Variants in CCDC158 observed in about 807,000 individuals in gnomAD.
CCDC158 encodes coiled-coil domain-containing protein 158.
A neutral mutation model predicts 138.6 loss-of-function variants in CCDC158; 116 were observed. That is an observed-to-expected ratio of 0.84 (90% CI 0.72 to 0.98). CCDC158 has a LOEUF of 0.98. CCDC158 is among the 50% of genes least tolerant of loss of function. The pLI, the probability that CCDC158 is intolerant of heterozygous loss-of-function variation, is 0.00. For synonymous variants in CCDC158, 436 were observed against 442.4 expected (o/e 0.99, Z 0.18); for missense variants, 1,265 against 1,306.1 (o/e 0.97, Z 0.48).
chr4:76,358,445 G>A (rs1723794131), intron 13 of CCDC158, among the ~76,000 whole-genome samples: 1 of 151,964 alleles, frequency 6.6e-6, no homozygotes, highest in Non-Finnish European at 1.5e-5. Context: ...TCTAAAATCT[G>A]ACAAAAAATC....
At chr4:76,338,379 G>A (rs552187438) in intron 18 of CCDC158, among the ~76,000 whole-genome samples, 10 of 152,260 alleles carry the variant, frequency 6.6e-5, no homozygotes, top group Admixed American at 5.2e-4. Context: ...GCATGGTAGC[G>A]TGTATGCCTG....
intron 16 of CCDC158, 39 bp downstream of exon 16, chr4:76,353,080 CTATT>C (rs1723202693): frequency 1.3e-6 from 2 of 1,495,740 alleles, no homozygotes; most frequent in Admixed American, 1.8e-5. Flanking sequence ...TGGTTAATAA[CTATT>C]TAGTTGATAA....
At position 76,384,175 on chromosome 4, in the gene CCDC158, C is replaced by G; in HGVS notation, c.639G>C (p.Leu213=). 1 of 1,614,078 alleles carries G rather than the reference C, an allele frequency of 6.2e-7. No homozygotes were observed. The highest frequency in any genetic ancestry group is 8.5e-7 in the Non-Finnish European group (1 of 1,179,970). ...TAGCTGAGCCCAAGCTGCGGAAGTG[C>G]AGAGTAGACATGCTGTCATGTTCAC... is the stretch of plus-strand genomic sequence containing the variant. The part of the protein sequence containing the change: ...KICEHDSMST[L]HFRSLGSAIS... Residue 213 remains leucine (L), a synonymous_variant, in exon 6 of 25, where the codon CTG becomes CTC. Transcript: ENST00000682701.
chr4:76,317,429 A>G (rs992843184), intron 24 of CCDC158, among the ~76,000 whole-genome samples: 1 of 152,194 alleles, frequency 6.6e-6, no homozygotes, highest in African/African-American at 2.4e-5. Flanking sequence ...ACAGTAAAAT[A>G]TCACAATCCT....
Position 76,325,847 on chromosome 4 carries a change from T to C in CCDC158, c.3169+10A>G, listed in dbSNP as rs1272891831. 6.2e-7 allele frequency: 1 copy of C among 1,601,800 alleles called. No individual in the cohort carries two copies. Among genetic ancestry groups the C allele is most frequent in the Admixed American group, 1.7e-5 (1 of 57,248 alleles). On this transcript the variant is annotated intron_variant, in intron 23 of 24. Coordinates refer to ENST00000682701, the MANE Select transcript of CCDC158 (RefSeq NM_001394954.1). ...AATTAATCACGTCAATGATATCAGA[T>C]CTTTCTTACCTTTAACAGAATCAGA...
intron 10 of CCDC158, among the ~76,000 whole-genome samples, chr4:76,370,786 T>C (rs1725157056): frequency 1.3e-5 from 2 of 152,052 alleles, no homozygotes; most frequent in African/African-American, 2.4e-5. Flanking sequence ...ATTAAGAGCT[T>C]CTCTACACAG....
intron 8 of CCDC158, among the ~76,000 whole-genome samples, chr4:76,380,150 T>C (rs989022392): frequency 2.0e-5 from 3 of 151,760 alleles, no homozygotes; most frequent in Non-Finnish European, 4.4e-5. Context: ...ACCAGGAGAG[T>C]GGGGCACTGC....
At chr4:76,313,497 C>T (rs1033983895) in intron 24 of CCDC158, among the ~76,000 whole-genome samples, 53 of 151,874 alleles carry the variant, frequency 3.5e-4, no homozygotes, top group African/African-American at 1.3e-3. Flanking sequence ...TCTATGTTGC[C>T]CAGGGTGGTC....
At chr4:76,375,802 A>G in intron 9 of CCDC158, 1 of 556,696 alleles carries the variant, frequency 1.8e-6, no homozygotes, top group East Asian at 2.9e-5. Context: ...TACAATTTCT[A>G]TGTTCACCAG....
At chr4:76,398,215 T>C (rs1230375553) in intron 3 of CCDC158, among the ~76,000 whole-genome samples, 2 of 152,230 alleles carry the variant, frequency 1.3e-5, no homozygotes, top group Non-Finnish European at 2.9e-5. Flanking sequence ...GATCTTTAGT[T>C]GATGCTAAAG....
intron 1 of CCDC158, among the ~76,000 whole-genome samples, chr4:76,413,104 GTCTA>G (rs72243737): frequency 0.029 from 4,436 of 151,486 alleles, 219 homozygotes; most frequent in African/African-American, 0.1. Context: ...GTCAAAACAG[GTCTA>G]TCTATATATT....
intron 22 of CCDC158, among the ~76,000 whole-genome samples, chr4:76,326,472 G>A (rs1278772832): frequency 6.6e-6 from 1 of 152,076 alleles, no homozygotes; most frequent in Non-Finnish European, 1.5e-5. Context: ...TAGATCTATA[G>A]GGTCCAGATA....
chr4:76,346,266 C>A (rs2110152051), intron 18 of CCDC158, among the ~76,000 whole-genome samples: 1 of 152,258 alleles, frequency 6.6e-6, no homozygotes, highest in Admixed American at 6.5e-5. Flanking sequence ...AATGTAAGAC[C>A]TAAAACCATA....
chr4:76,341,845 T>C (rs542785755), intron 18 of CCDC158, among the ~76,000 whole-genome samples: 1 of 152,342 alleles, frequency 6.6e-6, no homozygotes, highest in East Asian at 1.9e-4. Context: ...ACCTGGATAA[T>C]TTCAACTGCC....
chr4:76,383,531 T>G (rs1726478535), intron 7 of CCDC158, 131 bp downstream of exon 7: 1 of 639,490 alleles, frequency 1.6e-6, no homozygotes, highest in African/African-American at 1.8e-5. Context: ...AATGTTAACA[T>G]GAGTTTCCTA....
At chr4:76,402,997 T>C in intron 3 of CCDC158, 141 bp downstream of exon 3, 1 of 616,080 alleles carries the variant, frequency 1.6e-6, no homozygotes, top group African/African-American at 2.0e-5. Context: ...AAAAGTAGAA[T>C]TATAAACAAT....
At chr4:76,385,177 C>T (rs1398553807) in intron 4 of CCDC158, among the ~76,000 whole-genome samples, 1 of 152,102 alleles carries the variant, frequency 6.6e-6, no homozygotes, top group Non-Finnish European at 1.5e-5. Flanking sequence ...CATACCTAAT[C>T]CTCCCAAAGC....
chr4:76,334,240 C>A (rs1721267445), intron 18 of CCDC158, 73 bp from the exon 19 acceptor site: 3 of 1,359,902 alleles, frequency 2.2e-6, no homozygotes, highest in African/African-American at 1.4e-5. Context: ...AAAATTAATG[C>A]AACTGGTAAA....
At chr4:76,343,892 A>G (rs1722294313) in intron 18 of CCDC158, among the ~76,000 whole-genome samples, 1 of 152,200 alleles carries the variant, frequency 6.6e-6, no homozygotes, top group South Asian at 2.1e-4. Flanking sequence ...ACTTTAGAAA[A>G]CAACAAAAAA....
Sources: gnomAD v4.1 joint callset for allele counts (sites outside exome capture counted in the v4.1 genomes callset) on GRCh38, gnomAD v4.1.1 for gene constraint, MANE v1.5 for transcripts, NCBI Gene and HGNC (gene_info 2026-07-23, HGNC 2026-07-21) for gene names.